Variants in DHRS7 observed in about 807,000 individuals in gnomAD.
The protein encoded by DHRS7 is dehydrogenase/reductase SDR family member 7.
DHRS7 carries 34 observed loss-of-function variants against 38.9 expected under a neutral mutation model. The ratio of observed to expected loss-of-function variants is 0.87; its 90% CI spans 0.66 to 1.16. The LOEUF (loss-of-function observed/expected upper bound fraction) is 1.16, where lower values mean the gene tolerates loss of function less well. Ranked by LOEUF, DHRS7 falls within the 50% of genes most tolerant of loss-of-function variation. DHRS7 has a pLI of 0.00. For missense variants in DHRS7, 421 were observed against 407.0 expected (o/e 1.03, Z -0.30); for synonymous variants, 158 against 153.1 (o/e 1.03, Z -0.24).
chr14:60,165,566 T>G, upstream of DHRS7: 1 of 1,260,456 alleles, frequency 7.9e-7, no homozygotes, highest in Non-Finnish European at 9.9e-7. This position sits in a 1 kb window ranked among gnomAD's most constrained non-coding sequence, Gnocchi z 4.6. Context: ...TGAATTCAAG[T>G]GTCCGAGACC....
chr14:60,157,666 A>C (rs1896685117), intron 1 of DHRS7, among the ~76,000 whole-genome samples: 1 of 152,192 alleles, frequency 6.6e-6, no homozygotes. Flanking sequence ...GATTCCATTA[A>C]GGGTAGGACC....
intron 2 of DHRS7, 56 bp downstream of exon 2, chr14:60,155,944 T>G (rs1472711067): frequency 2.2e-5 from 30 of 1,389,816 alleles, no homozygotes; most frequent in African/African-American, 3.0e-5. Context: ...AAACTGTATT[T>G]GAGTTTGGAC....
upstream of DHRS7, chr14:60,169,783 T>C (rs1896910146): frequency 6.6e-6 from 1 of 152,232 alleles, no homozygotes; most frequent in Non-Finnish European, 1.5e-5. Flanking sequence ...TGCCCTTACT[T>C]TTGTTCAGAT....
intron 4 of DHRS7, 144 bp downstream of exon 4, chr14:60,152,795 G>A: frequency 7.7e-6 from 6 of 781,532 alleles, no homozygotes; most frequent in Non-Finnish European, 1.2e-5. Context: ...GCATCTACTG[G>A]GGGTGTCCTC....
At chr14:60,164,258 A>G (rs1411630646) in intron 1 of DHRS7, among the ~76,000 whole-genome samples, 2 of 106,200 alleles carry the variant, frequency 1.9e-5, no homozygotes, top group African/African-American at 7.9e-5. Context: ...CGCCCAACCC[A>G]TAACGCCCCC....
intron 6 of DHRS7, 53 bp downstream of exon 6, chr14:60,149,300 A>G: frequency 1.9e-6 from 3 of 1,556,064 alleles, no homozygotes. Flanking sequence ...AAAATTCTGT[A>G]CCTTCCTGCA....
At chr14:60,160,651 T>C (rs917660028) in intron 1 of DHRS7, among the ~76,000 whole-genome samples, 3 of 152,130 alleles carry the variant, frequency 2.0e-5, no homozygotes, top group African/African-American at 4.8e-5. Context: ...TGGCATGATC[T>C]TGGCTCCCTG....
chr14:60,144,777 C>A lies in DHRS7; in HGVS notation c.*189G>T. 2 of 584,370 alleles carry A rather than the reference C, an allele frequency of 3.4e-6. No homozygotes were observed. The highest frequency in any genetic ancestry group is 3.0e-5 in the East Asian group (1 of 33,078). The allele number at this position is 584,370 out of a possible 1,614,324, so 36.2% of individuals were successfully genotyped here. A position where few individuals can be genotyped will look rare whatever the true frequency, so the allele number is the denominator to read the frequency against. ...CCAAGAATATAGTATGAGTTAATAC[C>A]TTTTTTGCAAGATTCATGGCAATCT... On this transcript the variant is annotated 3_prime_UTR_variant, in exon 7 of 7. Coordinates refer to ENST00000557185, the MANE Select transcript of DHRS7 (RefSeq NM_016029.4).
chr14:60,157,790 A>G (rs369467771), intron 1 of DHRS7, among the ~76,000 whole-genome samples: 6 of 152,220 alleles, frequency 3.9e-5, no homozygotes, highest in African/African-American at 1.2e-4. Flanking sequence ...GAGCCGGGAT[A>G]TAAGCCCAGG....
At chr14:60,158,422 CTTG>C (rs563878027) in intron 1 of DHRS7, among the ~76,000 whole-genome samples, 15 of 152,066 alleles carry the variant, frequency 9.9e-5, no homozygotes, top group East Asian at 3.8e-4. Flanking sequence ...TCATTGACTA[CTTG>C]TTGTTCCCAA....
chr14:60,161,500 G>A lies in DHRS7; in HGVS notation c.133+3677C>T, dbSNP rs1896763914. Among the ~76,000 whole-genome samples, 1 of 152,158 alleles carries A rather than the reference G, an allele frequency of 6.6e-6. No homozygotes were observed. The highest frequency in any genetic ancestry group is 1.5e-5 in the Non-Finnish European group (1 of 68,020). On this transcript the variant is annotated intron_variant, in intron 1 of 6. Coordinates refer to ENST00000557185, the MANE Select transcript of DHRS7 (RefSeq NM_016029.4). This position sits in a 1 kb window ranked among gnomAD's most constrained non-coding sequence, Gnocchi z 4.2. ...AGCTGTTAGGGAAGACAGCCATTATGTCTTCCCTAAGTCCTTTCATCTCTT... is the reference window on the plus strand; with the variant it reads ...AGCTGTTAGGGAAGACAGCCATTATATCTTCCCTAAGTCCTTTCATCTCTT...
chr14:60,154,127 T>A, intron 2 of DHRS7, 62 bp from the exon 3 acceptor site: 2 of 1,297,618 alleles, frequency 1.5e-6, no homozygotes, highest in Non-Finnish European at 2.2e-6. Context: ...TCCTTGCTAC[T>A]CCCACTAACA....
chr14:60,158,719 GA>G (rs1896706559), intron 1 of DHRS7, among the ~76,000 whole-genome samples: 1 of 152,164 alleles, frequency 6.6e-6, no homozygotes, highest in African/African-American at 2.4e-5. Flanking sequence ...GAGTTGAAAG[GA>G]AAGTGATAGT....
chr14:60,159,621 C>G (rs1303775359), intron 1 of DHRS7, among the ~76,000 whole-genome samples: 1 of 151,600 alleles, frequency 6.6e-6, no homozygotes, highest in African/African-American at 2.4e-5. Flanking sequence ...TTAGCCCTGT[C>G]TTTTATTATA....
upstream of DHRS7, chr14:60,168,917 A>C: frequency 6.3e-6 from 5 of 798,934 alleles, no homozygotes; most frequent in Non-Finnish European, 8.9e-6. Context: ...TAACTAACCC[A>C]TTGAAGTTTT....
chr14:60,156,608 T>C (rs1394654605), intron 1 of DHRS7, among the ~76,000 whole-genome samples: 1 of 152,220 alleles, frequency 6.6e-6, no homozygotes. Flanking sequence ...AGTTTTTAAT[T>C]CTATTATTCT....
rs772297795 is a variant in DHRS7 at position 60,165,192 on chromosome 14, G to T, written c.118C>A (p.Gln40Lys). Reference sequence around the variant, plus strand: ...CGGTCCTCACCTGGGCGTCGTCCCTGCCACTCGGCCCATAGTAGCGTCAGG... The same window carrying T: ...CGGTCCTCACCTGGGCGTCGTCCCTTCCACTCGGCCCATAGTAGCGTCAGG... ...GDLTLLWAEW[Q>K]GRRPEWELTD... Residue 40 changes from glutamine (Q) to lysine (K), a missense_variant, in exon 1 of 7, where the codon CAG becomes AAG. By Grantham distance (53) the Gln-to-Lys change is moderately conservative. Coordinates refer to ENST00000557185, the MANE Select transcript of DHRS7 (RefSeq NM_016029.4). This position sits in a 1 kb window ranked among gnomAD's most constrained non-coding sequence, Gnocchi z 4.6. 19 of 1,612,710 alleles carry T rather than the reference G, an allele frequency of 1.2e-5. No individual in the cohort carries two copies. The highest frequency in any genetic ancestry group is 1.6e-5 in the Non-Finnish European group (19 of 1,179,812).
chr14:60,147,292 A>G (rs530625504), intron 6 of DHRS7: 1 of 152,294 alleles, frequency 6.6e-6, no homozygotes, highest in Admixed American at 6.5e-5. Context: ...TGTTATTATA[A>G]TTTACAGATT....
At chr14:60,158,013 A>C (rs1896691329) in intron 1 of DHRS7, among the ~76,000 whole-genome samples, 1 of 152,056 alleles carries the variant, frequency 6.6e-6, no homozygotes, top group Non-Finnish European at 1.5e-5. Context: ...CGGGCAGATC[A>C]CTTGAGGCCA....
Sources: gnomAD v4.1 joint callset for allele counts (sites outside exome capture counted in the v4.1 genomes callset) on GRCh38, gnomAD v4.1.1 for gene constraint, Gnocchi (gnomAD v3.1) non-coding constraint, MANE v1.5 for transcripts, NCBI Gene and HGNC (gene_info 2026-07-23, HGNC 2026-07-21) for gene names.